Variants in TDRD9 observed in about 807,000 individuals in gnomAD.
The protein encoded by TDRD9 is tudor domain containing 9, also known as ATP-dependent RNA helicase TDRD9.
A neutral mutation model predicts 172.6 loss-of-function variants in TDRD9; 124 were observed. The ratio of observed to expected loss-of-function variants is 0.72; its 90% CI spans 0.62 to 0.83. The LOEUF is 0.83. TDRD9 is among the 40% of genes least tolerant of loss of function. TDRD9 has a pLI of 0.00. For missense variants in TDRD9, 1,479 were observed against 1,714.1 expected, an observed-to-expected ratio of 0.86 and a Z score of 2.42; for synonymous variants, 619 against 617.1, an observed-to-expected ratio of 1.00 and a Z score of -0.05.
intron 27 of TDRD9, 92 bp downstream of exon 27, chr14:104,026,228 T>C: frequency 1.1e-6 from 1 of 892,254 alleles, no homozygotes; most frequent in Non-Finnish European, 1.8e-6. Context: ...TGCCTCGGCT[T>C]ACAGCTAGGG....
At chr14:103,968,064 CA>C (rs2032831099) in intron 5 of TDRD9, among the ~76,000 whole-genome samples, 2 of 152,354 alleles carry the variant, frequency 1.3e-5, no homozygotes, top group South Asian at 4.1e-4. Flanking sequence ...GTGTGTCTGA[CA>C]TATTTCTCTG....
intron 23 of TDRD9, among the ~76,000 whole-genome samples, chr14:104,021,338 C>G (rs1392035086): frequency 6.6e-6 from 1 of 152,186 alleles, no homozygotes; most frequent in Non-Finnish European, 1.5e-5. Flanking sequence ...GGACACAGAT[C>G]TAAACCATAT....
chr14:103,976,220 A>G (rs879698668), intron 7 of TDRD9, among the ~76,000 whole-genome samples: 1 of 151,992 alleles, frequency 6.6e-6, no homozygotes, highest in Non-Finnish European at 1.5e-5. Flanking sequence ...TTCATGGCTG[A>G]GTAGTATTTA....
At chr14:103,977,899 TC>T (rs2033319152) in intron 7 of TDRD9, among the ~76,000 whole-genome samples, 1 of 152,208 alleles carries the variant, frequency 6.6e-6, no homozygotes, top group African/African-American at 2.4e-5. Context: ...TATCCAGTGT[TC>T]CCAGCACCAT....
At chr14:104,010,433 A>C (rs964033188) in intron 20 of TDRD9, among the ~76,000 whole-genome samples, 4 of 152,042 alleles carry the variant, frequency 2.6e-5, no homozygotes, top group African/African-American at 9.7e-5. Context: ...CCGCCTCCAC[A>C]TCTTGTCCAC....
intron 32 of TDRD9, among the ~76,000 whole-genome samples, chr14:104,036,999 AGACAGGG>A (rs2035469000): frequency 6.7e-6 from 1 of 149,342 alleles, no homozygotes; most frequent in Non-Finnish European, 1.5e-5. Context: ...TTGTTTTTTG[AGACAGGG>A]TCTCACTCTG....
intron 33 of TDRD9, among the ~76,000 whole-genome samples, chr14:104,041,602 A>T (rs1216750499): frequency 2.6e-5 from 4 of 152,224 alleles, no homozygotes; most frequent in Non-Finnish European, 4.4e-5. Flanking sequence ...ATCATATGTC[A>T]TTAGGAAAAT....
intron 2 of TDRD9, among the ~76,000 whole-genome samples, chr14:103,956,111 AAT>A (rs1173008862): frequency 0.03 from 556 of 18,326 alleles, 8 homozygotes; most frequent in African/African-American, 0.045. Flanking sequence ...AAAAAAAAAA[AAT>A]ATATATATAT....
intron 1 of TDRD9, among the ~76,000 whole-genome samples, chr14:103,954,519 A>G (rs1414962088): frequency 6.6e-6 from 1 of 152,226 alleles, no homozygotes; most frequent in Non-Finnish European, 1.5e-5. Flanking sequence ...GTTTCCATGC[A>G]TGTCTTTGCA....
chr14:103,978,103 G>A (rs546515859), intron 7 of TDRD9, among the ~76,000 whole-genome samples: 3 of 152,194 alleles, frequency 2.0e-5, no homozygotes, highest in South Asian at 2.1e-4. Flanking sequence ...GTTAGGTAAT[G>A]TGATGCCTCT....
chr14:103,934,907 T>A (rs1377856929), intron 1 of TDRD9, among the ~76,000 whole-genome samples: 1 of 152,238 alleles, frequency 6.6e-6, no homozygotes, highest in Non-Finnish European at 1.5e-5. Flanking sequence ...CTACTGTGGA[T>A]GTTTTTTGAA....
intron 4 of TDRD9, among the ~76,000 whole-genome samples, chr14:103,966,155 AC>A (rs1183697813): frequency 6.6e-6 from 1 of 151,914 alleles, no homozygotes; most frequent in Non-Finnish European, 1.5e-5. Context: ...ACATGGTGAA[AC>A]CCCCTCTCTA....
At chr14:103,955,828 A>G (rs1272058569) in intron 2 of TDRD9, 58 bp downstream of exon 2, 1 of 1,407,650 alleles carries the variant, frequency 7.1e-7, no homozygotes, top group Non-Finnish European at 9.8e-7. Flanking sequence ...ACATGCTAAA[A>G]TATTAGGTTC....
At chr14:103,985,037 A>G (rs1381253040) in intron 7 of TDRD9, among the ~76,000 whole-genome samples, 1 of 152,116 alleles carries the variant, frequency 6.6e-6, no homozygotes, top group Admixed American at 6.6e-5. Flanking sequence ...AATTTCTCCC[A>G]TTTGGAAAGG....
intron 33 of TDRD9, 31 bp downstream of exon 33, chr14:104,040,365 A>G: frequency 3.3e-6 from 5 of 1,499,406 alleles, no homozygotes; most frequent in Non-Finnish European, 4.5e-6. Flanking sequence ...CGGCACCACA[A>G]CCCTGTCTCT....
In TDRD9 at chr14:103,965,335, T is replaced by C. The variant is rs2032688525; in HGVS notation, c.423T>C (p.Val141=). Residue 141 remains valine (V), a splice_region_variant and synonymous_variant, in exon 4 of 36, where the codon GTT becomes GTC. Coordinates refer to ENST00000409874, the MANE Select transcript of TDRD9 (RefSeq NM_153046.3). ...DLPISRYKEE[V]VSLIESNSVV... The stretch of plus-strand genomic sequence containing the variant: ...GAAAGAATTTTTTAAATTTCTAGGT[T>C]GTGTCTTTGATAGAAAGTAATTCCG... 1 of 1,551,598 alleles carries C rather than the reference T, an allele frequency of 6.4e-7. No individual in the cohort carries two copies. Among genetic ancestry groups the C allele is most frequent in the South Asian group, 1.2e-5 (1 of 84,044 alleles).
At chr14:103,956,570 G>A (rs2032254337) in intron 2 of TDRD9, among the ~76,000 whole-genome samples, 1 of 152,164 alleles carries the variant, frequency 6.6e-6, no homozygotes, top group Non-Finnish European at 1.5e-5. Flanking sequence ...TGAACTGGGA[G>A]GCAGAGGTTG....
chr14:103,965,684 C>T (rs1393720140), intron 4 of TDRD9, 130 bp downstream of exon 4: 1 of 825,276 alleles, frequency 1.2e-6, no homozygotes, highest in Non-Finnish European at 1.9e-6. Context: ...GTGTCTCATG[C>T]CTGTAATCCC....
chr14:104,051,800 A>G (rs1333925442), intron 35 of TDRD9, among the ~76,000 whole-genome samples, 181 bp from the exon 36 acceptor site: 3 of 152,232 alleles, frequency 2.0e-5, no homozygotes, highest in Non-Finnish European at 4.4e-5. Context: ...TTATTTAAAC[A>G]TGAAATTAAA....
Sources: gnomAD v4.1 joint callset for allele counts (sites outside exome capture counted in the v4.1 genomes callset) on GRCh38, gnomAD v4.1.1 for gene constraint, MANE v1.5 for transcripts, NCBI Gene and HGNC (gene_info 2026-07-23, HGNC 2026-07-21) for gene names.